PRKAR1A: variants seen among roughly 807,000 people sequenced by gnomAD.
PRKAR1A encodes the protein protein kinase cAMP-dependent type I regulatory subunit alpha, also known as cAMP-dependent protein kinase type I-alpha regulatory subunit.
Under a neutral mutation model 52.0 loss-of-function variants are expected in PRKAR1A, and 3 were observed. That is an observed-to-expected ratio of 0.06 (90% CI 0.03 to 0.15). The LOEUF (loss-of-function observed/expected upper bound fraction) is 0.15, where lower values mean the gene tolerates loss of function less well. Ranked by LOEUF, PRKAR1A falls within the 10% of genes least tolerant of loss-of-function variation. The pLI is 1.00. For synonymous variants in PRKAR1A, 188 were observed against 168.4 expected (o/e 1.12, Z -0.90); for missense variants, 240 against 477.4 (o/e 0.50, Z 4.63).
In PRKAR1A at chr17:68,530,436, C is replaced by T. The variant is rs1568703465; in HGVS notation, c.1133C>T (p.Ser378Leu). The T allele has an allele frequency of 6.2e-7, 1 of 1,614,116 alleles. No individual in the cohort carries two copies. The highest frequency in any genetic ancestry group is 8.5e-7 in the Non-Finnish European group (1 of 1,179,954). The change falls in exon 11 of 11, where the codon TCA becomes TTA. Residue 378 changes from serine to leucine, a missense_variant. Coordinates refer to ENST00000589228, the MANE Select transcript of PRKAR1A (RefSeq NM_002734.5). ...ATCCAGCAGTACAACAGTTTTGTGT[C>T]ACTGTCTGTCTGAAATCTGCCTCCT... is the stretch of plus-strand genomic sequence containing the variant. ...RNIQQYNSFV[S>L]LSV
the PRKAR1A span, among the ~76,000 whole-genome samples, chr17:68,473,409 A>C: frequency 6.6e-6 from 1 of 152,204 alleles, no homozygotes; most frequent in Admixed American, 6.5e-5. Flanking sequence ...AATACACTTA[A>C]ATTCAGACTC....
chr17:68,489,510 T>C, the PRKAR1A span, among the ~76,000 whole-genome samples: 1 of 145,524 alleles, frequency 6.9e-6, no homozygotes, highest in Non-Finnish European at 1.5e-5. Flanking sequence ...ATAGTATATA[T>C]ATATGGAAAG....
the PRKAR1A span, among the ~76,000 whole-genome samples, chr17:68,429,186 G>C: frequency 1.3e-5 from 2 of 151,942 alleles, no homozygotes; most frequent in African/African-American, 2.4e-5. Context: ...CTGCGACCCT[G>C]CGAGAAGCAA....
chr17:68,543,253 TAGAG>T (rs148123664), intron 11 of PRKAR1A, among the ~76,000 whole-genome samples: 83 of 152,106 alleles, frequency 5.5e-4, no homozygotes, highest in African/African-American at 1.8e-3. Context: ...ACTGAGCAAA[TAGAG>T]GGAGTGGAAT....
chr17:68,440,285 C>T, the PRKAR1A span, among the ~76,000 whole-genome samples: 8 of 152,326 alleles, frequency 5.3e-5, no homozygotes, highest in South Asian at 2.1e-4. Flanking sequence ...AAAAATCCAA[C>T]GAGCCACACG....
At chr17:68,430,067 C>T in the PRKAR1A span, 3 of 1,614,196 alleles carry the variant, frequency 1.9e-6, no homozygotes, top group South Asian at 3.3e-5. Flanking sequence ...TGTCCTGATG[C>T]ATCATGTCTG....
chr17:68,506,183 C>T, the PRKAR1A span, among the ~76,000 whole-genome samples: 1 of 151,794 alleles, frequency 6.6e-6, no homozygotes, highest in South Asian at 2.1e-4. Flanking sequence ...CTCCCCCCTA[C>T]CACAGGCCAC....
chr17:68,492,106 A>G, the PRKAR1A span, among the ~76,000 whole-genome samples: 1 of 152,224 alleles, frequency 6.6e-6, no homozygotes, highest in Non-Finnish European at 1.5e-5. Flanking sequence ...CATGAATAAC[A>G]GGGAGCGTGT....
the PRKAR1A span, among the ~76,000 whole-genome samples, chr17:68,417,155 A>C: frequency 6.6e-6 from 1 of 152,046 alleles, no homozygotes; most frequent in South Asian, 2.1e-4. Flanking sequence ...TGGACTGTGA[A>C]CTTCACAAGT....
the PRKAR1A span, chr17:68,430,252 C>G: frequency 2.3e-6 from 3 of 1,318,760 alleles, no homozygotes; most frequent in Non-Finnish European, 3.1e-6. Flanking sequence ...TAGCCACACT[C>G]CCCGCAGCAG....
the PRKAR1A span, chr17:68,433,432 G>A: frequency 3.0e-5 from 47 of 1,584,104 alleles, no homozygotes; most frequent in South Asian, 1.2e-4. Flanking sequence ...GACTCCTTTC[G>A]TTTAATGAGC....
At chr17:68,482,756 A>G in the PRKAR1A span, among the ~76,000 whole-genome samples, 63 of 152,324 alleles carry the variant, frequency 4.1e-4, no homozygotes, top group Non-Finnish European at 7.9e-4. Context: ...ACTAAGGTCA[A>G]TCGGTGGACA....
chr17:68,424,115 C>A, the PRKAR1A span, among the ~76,000 whole-genome samples: 2 of 152,126 alleles, frequency 1.3e-5, no homozygotes, highest in Non-Finnish European at 2.9e-5. Context: ...GCCATGAGAA[C>A]CCAAAGGTAA....
intron 11 of PRKAR1A, chr17:68,540,572 G>A (rs2143470661): frequency 1.8e-6 from 1 of 547,118 alleles, no homozygotes. Flanking sequence ...TTGGTGAAGT[G>A]AACATACAGC....
the PRKAR1A span, among the ~76,000 whole-genome samples, chr17:68,439,830 ATT>A: frequency 6.6e-6 from 1 of 152,110 alleles, no homozygotes; most frequent in Non-Finnish European, 1.5e-5. Flanking sequence ...GTCTTTCCAG[ATT>A]TAACACTTCA....
the PRKAR1A span, among the ~76,000 whole-genome samples, chr17:68,499,368 A>AGGAG: frequency 2.8e-5 from 4 of 140,402 alleles, no homozygotes; most frequent in Non-Finnish European, 6.1e-5. Context: ...AAGGGAGGAA[A>AGGAG]AGAGAGAGAG....
Position 68,543,637 on chromosome 17 carries a change from A to G in PRKAR1A, c.974-7447A>G, listed in dbSNP as rs762527004. 74 of 1,613,954 alleles carry G rather than the reference A, an allele frequency of 4.6e-5. No homozygotes were observed. The highest frequency in any genetic ancestry group is 5.8e-5 in the Non-Finnish European group (68 of 1,179,982). ...ATGGGGCCAGACCCTACCTGTCCAGATGGAAAGCTGCGATCTCAGCATTGT... is the reference window on the plus strand; with the variant it reads ...ATGGGGCCAGACCCTACCTGTCCAGGTGGAAAGCTGCGATCTCAGCATTGT... On this transcript the variant is annotated intron_variant, in intron 11 of 11. Transcript: ENST00000585981.
At chr17:68,420,468 C>T in the PRKAR1A span, 1 of 1,603,588 alleles carries the variant, frequency 6.2e-7, no homozygotes, top group Non-Finnish European at 8.5e-7. Context: ...GCATAACAGA[C>T]CAATTTTTAT....
At chr17:68,464,412 C>A in the PRKAR1A span, among the ~76,000 whole-genome samples, 21 of 152,282 alleles carry the variant, frequency 1.4e-4, no homozygotes, top group South Asian at 3.7e-3. Flanking sequence ...ATGTGCACAC[C>A]CTCTTGCTGC....
Sources: gnomAD v4.1 joint callset for allele counts (sites outside exome capture counted in the v4.1 genomes callset) on GRCh38, gnomAD v4.1.1 for gene constraint, MANE v1.5 for transcripts, NCBI Gene and HGNC (gene_info 2026-07-23, HGNC 2026-07-21) for gene names.